The following DARS1 variants were observed in gnomAD, a reference collection of about 807,000 sequenced individuals.
DARS1 encodes the protein aspartate--tRNA ligase, cytoplasmic.
Under a neutral mutation model 68.8 loss-of-function variants are expected in DARS1, and 51 were observed. The ratio of observed to expected loss-of-function variants is 0.74; its 90% CI spans 0.59 to 0.94. The LOEUF (loss-of-function observed/expected upper bound fraction) is 0.94, where lower values mean the gene tolerates loss of function less well. DARS1 is among the 40% of genes least tolerant of loss of function. The probability of loss-of-function intolerance (pLI) is 0.00; values close to 1 mark genes in which losing one functional copy is unlikely to be tolerated. For synonymous variants in DARS1, 203 were observed against 190.4 expected (o/e 1.07, Z -0.55); for missense variants, 607 against 597.3 (o/e 1.02, Z -0.17).
intron 3 of DARS1, among the ~76,000 whole-genome samples, chr2:135,973,693 A>T (rs1211174295): frequency 1.3e-5 from 2 of 151,938 alleles, no homozygotes; most frequent in African/African-American, 4.8e-5. Context: ...CATCTTTACA[A>T]AAAAAATGAA....
At chr2:135,918,797 C>T (rs536180497) in intron 10 of DARS1, among the ~76,000 whole-genome samples, 1 of 152,208 alleles carries the variant, frequency 6.6e-6, no homozygotes, top group South Asian at 2.1e-4. Flanking sequence ...TGTGTGTGCT[C>T]CTTCATTGTA....
At chr2:135,925,938 C>T (rs1469511434) in intron 7 of DARS1, among the ~76,000 whole-genome samples, 1 of 152,160 alleles carries the variant, frequency 6.6e-6, no homozygotes, top group Admixed American at 6.5e-5. Context: ...CCGCTTGCCT[C>T]TTAGCTAGTT....
chr2:135,975,857 G>A (rs544176003), intron 3 of DARS1, among the ~76,000 whole-genome samples: 2 of 151,600 alleles, frequency 1.3e-5, no homozygotes, highest in South Asian at 2.1e-4. Context: ...GCTGAGGCAC[G>A]AGAATTGCTT....
At chr2:135,908,532 C>T (rs1309331401) in intron 15 of DARS1, among the ~76,000 whole-genome samples, 2 of 152,236 alleles carry the variant, frequency 1.3e-5, no homozygotes, top group Non-Finnish European at 2.9e-5. Context: ...TTCCCACCAA[C>T]AGTGTAAAAG....
intron 2 of DARS1, among the ~76,000 whole-genome samples, chr2:135,980,839 A>G (rs970811360): frequency 6.6e-5 from 10 of 152,240 alleles, no homozygotes; most frequent in African/African-American, 2.4e-4. Context: ...AGCACTTTGG[A>G]GAAGAAAAAG....
At chr2:135,985,161 C>T (rs1333411291) in intron 1 of DARS1, 2 of 584,246 alleles carry the variant, frequency 3.4e-6, no homozygotes, top group Admixed American at 3.1e-5. Context: ...TCCCGTCCTC[C>T]CCACCCCGGG....
rs1349442240 is a variant in DARS1 at position 135,906,288 on chromosome 2, T to C, written c.*1028A>G. On this transcript the variant is annotated 3_prime_UTR_variant, in exon 16 of 16. Transcript: ENST00000264161. ...TGTTCCTCCCCAATATTTGTGGTCA[T>C]GTAAAATTAACATTAGCATCAACAT... Among the ~76,000 whole-genome samples, 1 of 151,842 alleles carries C rather than the reference T, an allele frequency of 6.6e-6. No homozygotes were observed. Among genetic ancestry groups the C allele is most frequent in the Admixed American group, 6.6e-5 (1 of 15,168 alleles).
At position 135,912,504 on chromosome 2, in the gene DARS1, C is replaced by G. The variant is rs569485932; in HGVS notation, c.1212G>C (p.Met404Ile). ...YPLAVRPFYT[M>I]PDPRNPKQSN... ...TACTTACGGGATTTCTTGGGTCAGG[C>G]ATGGTATAGAAAGGTCTTACAGCCA... The change falls in exon 13 of 16, where the codon ATG becomes ATC. Residue 404 changes from methionine to isoleucine, a missense_variant. Coordinates refer to ENST00000264161, the MANE Select transcript of DARS1 (RefSeq NM_001349.4). The G allele has an allele frequency of 1.8e-6, 2 of 1,108,098 alleles. No homozygotes were observed. Among genetic ancestry groups the G allele is most frequent in the African/African-American group, 3.1e-5 (2 of 64,218 alleles). The allele number at this position is 1,108,098 out of a possible 1,614,324, so 68.6% of individuals were successfully genotyped here.
At position 135,985,142 on chromosome 2, in the gene DARS1, G is replaced by C. The variant is rs187990862; in HGVS notation, c.66+261C>G. 469 of 524,964 alleles carry C rather than the reference G, an allele frequency of 8.9e-4. 2 individuals are homozygous for C. Among genetic ancestry groups the C allele is most frequent in the African/African-American group, 1.4e-3 (74 of 53,168 alleles). 32.5% of individuals were successfully genotyped at this position (524,964 alleles called of 1,614,324 possible). A position where few individuals can be genotyped will look rare whatever the true frequency, so the allele number is the denominator to read the frequency against. On this transcript the variant is annotated intron_variant, in intron 1 of 15. Transcript: ENST00000264161. ...ACGCCGCGCTCCTACTTCCGGGGCGGCTGGTTCTTCCCGTCCTCCCCACCC... is the reference window on the plus strand; with the variant it reads ...ACGCCGCGCTCCTACTTCCGGGGCGCCTGGTTCTTCCCGTCCTCCCCACCC...
chr2:135,928,500 A>G (rs1681273074), intron 7 of DARS1, among the ~76,000 whole-genome samples: 1 of 151,860 alleles, frequency 6.6e-6, no homozygotes, highest in South Asian at 2.1e-4. Context: ...ACATGCCACC[A>G]AGCCTGGCTA....
chr2:135,929,941 T>C (rs916419417), intron 7 of DARS1, among the ~76,000 whole-genome samples: 1 of 152,212 alleles, frequency 6.6e-6, no homozygotes, highest in Non-Finnish European at 1.5e-5. Flanking sequence ...TGGTATGTTG[T>C]GCCTGACTGG....
chr2:135,981,208 T>C (rs1348622563), intron 2 of DARS1, among the ~76,000 whole-genome samples: 1 of 152,198 alleles, frequency 6.6e-6, no homozygotes, highest in Non-Finnish European at 1.5e-5. Flanking sequence ...CAACAGCAAT[T>C]ATGTTAATGG....
chr2:135,938,767 T>A (rs1681529099), intron 5 of DARS1, among the ~76,000 whole-genome samples: 1 of 151,992 alleles, frequency 6.6e-6, no homozygotes, highest in Non-Finnish European at 1.5e-5. Flanking sequence ...AGCAGACCCA[T>A]CTCACATGCA....
intron 4 of DARS1, among the ~76,000 whole-genome samples, chr2:135,950,546 G>C (rs2104824967): frequency 6.6e-6 from 1 of 152,276 alleles, no homozygotes; most frequent in Middle Eastern, 3.4e-3. Context: ...GAACTCACTA[G>C]AATTGGTTTA....
chr2:135,915,430 G>T (rs1016914217), intron 11 of DARS1, among the ~76,000 whole-genome samples: 8 of 152,092 alleles, frequency 5.3e-5, no homozygotes, highest in Non-Finnish European at 7.4e-5. Flanking sequence ...GGGACTACAG[G>T]TGTGTGCCAC....
rs1019761890 is a variant in DARS1 at position 135,956,929 on chromosome 2, A to AT, written c.320+4466dup. Among the ~76,000 whole-genome samples the AT allele has an allele frequency of 1.0e-3, 151 of 150,284 alleles. 3 individuals carry two copies. Among genetic ancestry groups the AT allele is most frequent in the African/African-American group, 2.8e-3 (116 of 40,980 alleles). On this transcript the variant is annotated intron_variant, in intron 4 of 15. Transcript: ENST00000264161. Reference sequence around the variant, plus strand: ...GAGGCGCCTACCACCACACCTGGCTATTTTTTTTTATTTTTAGTAGAGACG... The same window carrying AT: ...GAGGCGCCTACCACCACACCTGGCTATTTTTTTTTTATTTTTAGTAGAGACG...
In DARS1 at chr2:135,918,891, C is replaced by CA. The variant is rs528814402; in HGVS notation, c.959+1561dup. On this transcript the variant is annotated intron_variant, in intron 10 of 15. Transcript: ENST00000264161. ...GAAAACTGATTAAAATAAACTGCAT[C>CA]AAAATGTTTTAGAGAACAAAGATAT... Among the ~76,000 whole-genome samples, 12 of 152,226 alleles carry CA rather than the reference C, an allele frequency of 7.9e-5. No homozygotes were observed. The South Asian group carries it at 2.5e-3, about 32-fold the overall frequency.
chr2:135,912,636 CTT>C (rs1680920423), intron 12 of DARS1, 70 bp from the exon 13 acceptor site: 1 of 639,312 alleles, frequency 1.6e-6, no homozygotes, highest in South Asian at 2.2e-5. Flanking sequence ...TGGTAATTAA[CTT>C]TATACAAAAA....
At chr2:135,973,189 T>A (rs1682419136) in intron 3 of DARS1, among the ~76,000 whole-genome samples, 1 of 152,060 alleles carries the variant, frequency 6.6e-6, no homozygotes, top group Non-Finnish European at 1.5e-5. Context: ...CATCAACAGA[T>A]GAATGGATAA....
Sources: gnomAD v4.1 joint callset for allele counts (sites outside exome capture counted in the v4.1 genomes callset) on GRCh38, gnomAD v4.1.1 for gene constraint, MANE v1.5 for transcripts, NCBI Gene and HGNC (gene_info 2026-07-23, HGNC 2026-07-21) for gene names.